The following MAP2K1 variants were observed in gnomAD, a reference collection of about 807,000 sequenced individuals.
MAP2K1 encodes the protein mitogen-activated protein kinase kinase 1.
In MAP2K1, 16 loss-of-function variants were observed where a neutral mutation model predicts 46.3. The ratio of observed to expected loss-of-function variants is 0.35; its 90% CI spans 0.23 to 0.52. The LOEUF (loss-of-function observed/expected upper bound fraction) is 0.52, where lower values mean the gene tolerates loss of function less well. Among genes scored for constraint, MAP2K1 ranks in the 20% least tolerant of loss-of-function variants. The probability of loss-of-function intolerance (pLI) is 0.94; values close to 1 mark genes in which losing one functional copy is unlikely to be tolerated. For synonymous variants in MAP2K1, 183 were observed against 185.6 expected (o/e 0.99, Z 0.11); for missense variants, 263 against 497.1 (o/e 0.53, Z 4.48).
At chr15:66,420,739 G>A (rs1453987229) in intron 1 of MAP2K1, among the ~76,000 whole-genome samples, 685 of 31,452 alleles carry the variant, frequency 0.022, 90 homozygotes, top group Non-Finnish European at 0.034. Flanking sequence ...GTGTGTGTGT[G>A]TGTGTGTGTG....
chr15:66,421,089 C>T (rs1278726384), intron 1 of MAP2K1, among the ~76,000 whole-genome samples: 1 of 57,192 alleles, frequency 1.7e-5, no homozygotes, highest in African/African-American at 8.1e-5. Context: ...CACATACACA[C>T]ACATACACAC....
chr15:66,483,707 C>G (rs897631121), intron 6 of MAP2K1, among the ~76,000 whole-genome samples: 16 of 151,282 alleles, frequency 1.1e-4, no homozygotes, highest in African/African-American at 3.6e-4. Context: ...CAATATCAAC[C>G]AATATTTGTA....
intron 2 of MAP2K1, 71 bp from the exon 3 acceptor site, chr15:66,436,675 C>A (rs2140582729): frequency 1.4e-6 from 2 of 1,449,978 alleles, no homozygotes; most frequent in Non-Finnish European, 1.9e-6. Context: ...AAACATTTAA[C>A]AAGACTATAT....
rs906058031 is a variant in MAP2K1, at chr15:66,443,370, T to C, written c.516+13T>C. The C allele has an allele frequency of 5.1e-6, 8 of 1,554,930 alleles. No individual in the cohort carries two copies. Among genetic ancestry groups the C allele is most frequent in the Non-Finnish European group, 7.1e-6 (8 of 1,126,256 alleles). ...AGTTAGCATTGCTGTGAGTATGTTA[T>C]GAAGTTTTTCTTCTAAGTTCCTCAT... is the stretch of plus-strand genomic sequence containing the variant. On this transcript the variant is annotated intron_variant, in intron 4 of 10. Transcript: ENST00000307102.
intron 3 of MAP2K1, 131 bp downstream of exon 3, chr15:66,437,023 C>A (rs1018478413): frequency 2.1e-6 from 2 of 956,300 alleles, no homozygotes; most frequent in Admixed American, 1.8e-5. Flanking sequence ...TCTGGGGCAT[C>A]TGGGAAGTCT....
chr15:66,469,205 G>A (rs984199334), intron 5 of MAP2K1, among the ~76,000 whole-genome samples: 3 of 151,946 alleles, frequency 2.0e-5, no homozygotes, highest in South Asian at 2.1e-4. Context: ...GCAGTGAGCC[G>A]AGACCGTGCC....
chr15:66,415,058 G>A, intron 1 of MAP2K1: 1 of 503,678 alleles, frequency 2.0e-6, no homozygotes, highest in Non-Finnish European at 4.0e-6. Context: ...TCAATGCACT[G>A]CTTGTAGTAC....
intron 6 of MAP2K1, among the ~76,000 whole-genome samples, chr15:66,483,743 ATTTTCT>A (rs1345009792): frequency 7.9e-6 from 1 of 126,394 alleles, no homozygotes; most frequent in Non-Finnish European, 1.8e-5. Flanking sequence ...TTTGACATAC[ATTTTCT>A]TTTTTTTTTT....
At chr15:66,464,925 C>G (rs1447524591) in intron 5 of MAP2K1, among the ~76,000 whole-genome samples, 1 of 151,772 alleles carries the variant, frequency 6.6e-6, no homozygotes, top group Non-Finnish European at 1.5e-5. Flanking sequence ...AGACTAGAAT[C>G]TAACAGGTGT....
chr15:66,410,701 C>T (rs570697179), intron 1 of MAP2K1, among the ~76,000 whole-genome samples: 1 of 152,276 alleles, frequency 6.6e-6, no homozygotes, highest in South Asian at 2.1e-4. Context: ...GGAAGCTCAG[C>T]AACTGGGATG....
chr15:66,445,043 G>T, intron 5 of MAP2K1: 1 of 283,008 alleles, frequency 3.5e-6, no homozygotes, highest in Non-Finnish European at 6.8e-6. Flanking sequence ...CTAAAGCCAG[G>T]ACTGGCCAGC....
chr15:66,420,759 GTA>G (rs772406179), intron 1 of MAP2K1, among the ~76,000 whole-genome samples: 16,430 of 38,964 alleles, frequency 0.42, 5,277 homozygotes, highest in South Asian at 0.57. Flanking sequence ...GTGTGTGTGT[GTA>G]TGTGTGTATA....
chr15:66,421,480 T>C (rs2093443430), intron 1 of MAP2K1, among the ~76,000 whole-genome samples: 1 of 151,794 alleles, frequency 6.6e-6, no homozygotes, highest in East Asian at 1.9e-4. Flanking sequence ...TGCGAGTTAA[T>C]GGTTTATAAT....
chr15:66,434,277 T>C (rs1199723123), intron 1 of MAP2K1, among the ~76,000 whole-genome samples: 1 of 152,170 alleles, frequency 6.6e-6, no homozygotes, highest in African/African-American at 2.4e-5. Flanking sequence ...GTGATTACTC[T>C]GCAAGTAATC....
At chr15:66,430,987 T>C (rs988459590) in intron 1 of MAP2K1, among the ~76,000 whole-genome samples, 7 of 152,238 alleles carry the variant, frequency 4.6e-5, no homozygotes, top group African/African-American at 1.4e-4. Flanking sequence ...ACAGCCATGA[T>C]GCAGAATTCA....
intron 1 of MAP2K1, among the ~76,000 whole-genome samples, chr15:66,396,278 C>G (rs368946522): frequency 1.7e-4 from 25 of 150,306 alleles, no homozygotes; most frequent in African/African-American, 5.6e-4. Context: ...TCACCGTGCC[C>G]GGCCCTTTTG....
At chr15:66,403,905 T>G (rs1334472031) in intron 1 of MAP2K1, among the ~76,000 whole-genome samples, 2 of 152,122 alleles carry the variant, frequency 1.3e-5, no homozygotes, top group Non-Finnish European at 2.9e-5. Flanking sequence ...TGTCCTTATG[T>G]CGGGGAGGGC....
At chr15:66,405,852 G>A (rs928411500) in intron 1 of MAP2K1, among the ~76,000 whole-genome samples, 1 of 152,136 alleles carries the variant, frequency 6.6e-6, no homozygotes, top group African/African-American at 2.4e-5. Flanking sequence ...ATTCCCTCTG[G>A]TTCTTTCTCT....
At chr15:66,439,564 C>T (rs1372031585) in intron 3 of MAP2K1, among the ~76,000 whole-genome samples, 2 of 152,106 alleles carry the variant, frequency 1.3e-5, no homozygotes, top group Non-Finnish European at 2.9e-5. Context: ...GTCAGGAGTT[C>T]GAGACCAGCT....
Sources: gnomAD v4.1 joint callset for allele counts (sites outside exome capture counted in the v4.1 genomes callset) on GRCh38, gnomAD v4.1.1 for gene constraint, MANE v1.5 for transcripts, NCBI Gene and HGNC (gene_info 2026-07-23, HGNC 2026-07-21) for gene names.